Variants in DCAF12 observed in about 807,000 individuals in gnomAD.
DCAF12 encodes the protein DDB1- and CUL4-associated factor 12.
A neutral mutation model predicts 52.8 loss-of-function variants in DCAF12; 28 were observed. That is an observed-to-expected ratio of 0.53 (90% confidence interval 0.39 to 0.73). The LOEUF is 0.73. Ranked by LOEUF, DCAF12 falls within the 30% of genes least tolerant of loss-of-function variation. DCAF12 has a pLI of 0.00. For missense variants in DCAF12, 425 were observed against 552.2 expected (o/e 0.77, Z 2.31); for synonymous variants, 196 against 215.5 (o/e 0.91, Z 0.79).
chr9:34,126,139 C>T (rs1829246610), intron 1 of DCAF12, among the ~76,000 whole-genome samples: 2 of 152,294 alleles, frequency 1.3e-5, no homozygotes, highest in South Asian at 4.1e-4. Context: ...GGATTATGTC[C>T]CATTCCTGAG....
intron 5 of DCAF12, among the ~76,000 whole-genome samples, chr9:34,098,118 G>A (rs1184226532): frequency 1.3e-5 from 2 of 151,872 alleles, no homozygotes; most frequent in Non-Finnish European, 2.9e-5. Flanking sequence ...AGACTACTCA[G>A]AGAAATACTG....
At chr9:34,108,048 G>A (rs919086270) in intron 2 of DCAF12, among the ~76,000 whole-genome samples, 2 of 152,154 alleles carry the variant, frequency 1.3e-5, no homozygotes, top group African/African-American at 4.8e-5. Flanking sequence ...CGACAAGGAA[G>A]AATTATTAGT....
chr9:34,089,790 T>C (rs976407129), intron 7 of DCAF12, 200 bp from the exon 8 acceptor site: 1 of 474,328 alleles, frequency 2.1e-6, no homozygotes. Flanking sequence ...ATCCTGCCTA[T>C]CCACACACTG....
At chr9:34,094,275 G>C (rs1403237266) in intron 6 of DCAF12, among the ~76,000 whole-genome samples, 1 of 151,872 alleles carries the variant, frequency 6.6e-6, no homozygotes, top group African/African-American at 2.4e-5. Context: ...GGGTAGTGGT[G>C]CATGCCTGTA....
intron 2 of DCAF12, among the ~76,000 whole-genome samples, chr9:34,110,301 CAA>C (rs1828978839): frequency 6.6e-6 from 1 of 152,296 alleles, no homozygotes; most frequent in South Asian, 2.1e-4. Context: ...CCCTGTCACT[CAA>C]GTGTGGATTT....
At chr9:34,113,924 C>G (rs1487127887) in intron 2 of DCAF12, among the ~76,000 whole-genome samples, 1 of 151,850 alleles carries the variant, frequency 6.6e-6, no homozygotes, top group Admixed American at 6.6e-5. Flanking sequence ...CTGGCTAACA[C>G]AGTGAAACCC....
rs1829230792 is a variant in DCAF12 at position 34,125,278 on chromosome 9, CT to C, written c.79-2del. 1.9e-6 allele frequency: 3 copies of C among 1,613,802 alleles called. No homozygotes were observed. Among genetic ancestry groups the C allele is most frequent in the Non-Finnish European group, 2.5e-6 (3 of 1,179,880 alleles). ...TGTGAAGCGAGTGATCCCAGCCAAA[CT>C]GTGGAAACAACATTAGAAATCAGGG... On this transcript the variant is annotated splice_acceptor_variant, in intron 1 of 8. Transcript: ENST00000361264. LOFTEE classifies it high-confidence loss of function.
At chr9:34,117,301 C>T (rs1266416783) in intron 2 of DCAF12, among the ~76,000 whole-genome samples, 1 of 149,324 alleles carries the variant, frequency 6.7e-6, no homozygotes, top group Non-Finnish European at 1.5e-5. Context: ...AAGGTGCCCA[C>T]CACCACGCCC....
chr9:34,092,853 CT>C (rs138217138), intron 7 of DCAF12, among the ~76,000 whole-genome samples: 17 of 150,904 alleles, frequency 1.1e-4, no homozygotes, highest in Non-Finnish European at 5.9e-5. Context: ...CCCCACACCC[CT>C]TTTTTTTTGA....
At chr9:34,119,698 T>G (rs182306834) in intron 2 of DCAF12, among the ~76,000 whole-genome samples, 87 of 135,360 alleles carry the variant, frequency 6.4e-4, no homozygotes, top group Middle Eastern at 4.0e-3. Context: ...TATGTACTTT[T>G]GCGGTTTTTT....
At chr9:34,117,402 G>A (rs549976154) in intron 2 of DCAF12, among the ~76,000 whole-genome samples, 3 of 151,540 alleles carry the variant, frequency 2.0e-5, no homozygotes, top group Admixed American at 6.6e-5. Context: ...TGCCTGCCTC[G>A]GCCGGCCAAA....
At chr9:34,098,187 A>G in intron 5 of DCAF12, 137 bp downstream of exon 5, 1 of 866,138 alleles carries the variant, frequency 1.2e-6, no homozygotes, top group Non-Finnish European at 1.8e-6. Flanking sequence ...CACCAGCATC[A>G]CTCAGCCTTT....
At chr9:34,108,916 T>C (rs922585106) in intron 2 of DCAF12, among the ~76,000 whole-genome samples, 19 of 149,020 alleles carry the variant, frequency 1.3e-4, no homozygotes, top group Non-Finnish European at 4.5e-5. Flanking sequence ...ACAAATTGAG[T>C]CCAGCCTGGG....
At chr9:34,088,748 A>G (rs1828599027) in intron 8 of DCAF12, among the ~76,000 whole-genome samples, 1 of 152,166 alleles carries the variant, frequency 6.6e-6, no homozygotes, top group South Asian at 2.1e-4. Context: ...TCTTCTCAGG[A>G]GACTTAGAAC....
chr9:34,102,870 C>T (rs964424740), intron 4 of DCAF12, among the ~76,000 whole-genome samples: 4 of 150,276 alleles, frequency 2.7e-5, no homozygotes, highest in East Asian at 2.0e-4. Context: ...GAGGCCAGGA[C>T]GTTGAGACCA....
intron 2 of DCAF12, among the ~76,000 whole-genome samples, chr9:34,116,748 A>AG (rs1829093712): frequency 6.6e-6 from 1 of 152,166 alleles, no homozygotes; most frequent in Non-Finnish European, 1.5e-5. Flanking sequence ...TGGGAGGCTG[A>AG]GGGGGGCAGA....
intron 4 of DCAF12, among the ~76,000 whole-genome samples, chr9:34,101,403 T>A (rs570011246): frequency 8.2e-5 from 12 of 146,050 alleles, no homozygotes; most frequent in African/African-American, 1.8e-4. Flanking sequence ...TTATTTATTT[T>A]GGTGGTGGGA....
At chr9:34,114,056 C>T (rs186721584) in intron 2 of DCAF12, among the ~76,000 whole-genome samples, 77 of 151,362 alleles carry the variant, frequency 5.1e-4, no homozygotes, top group Non-Finnish European at 8.7e-4. Context: ...TGCAGTGAGC[C>T]GAGATCATGC....
intron 7 of DCAF12, among the ~76,000 whole-genome samples, chr9:34,092,810 G>A (rs979488860): frequency 6.6e-6 from 1 of 152,126 alleles, no homozygotes; most frequent in African/African-American, 2.4e-5. Flanking sequence ...TGTCTGTGGT[G>A]TTTGAAAGTC....
Sources: allele counts gnomAD v4.1 joint callset (sites outside exome capture counted in the v4.1 genomes callset), GRCh38; gene constraint gnomAD v4.1.1; transcripts MANE v1.5; gene names NCBI Gene and HGNC (gene_info 2026-07-23, HGNC 2026-07-21).